PIP5K1C: variants seen among roughly 807,000 people sequenced by gnomAD.
The protein encoded by PIP5K1C is phosphatidylinositol-4-phosphate 5-kinase type 1 gamma, also known as phosphatidylinositol 4-phosphate 5-kinase type-1 gamma.
Under a neutral mutation model 80.1 loss-of-function variants are expected in PIP5K1C, and 45 were observed. The observed-to-expected ratio is 0.56, with a 90% CI of 0.44 to 0.72. PIP5K1C has a LOEUF of 0.72. Among genes scored for constraint, PIP5K1C ranks in the 30% least tolerant of loss-of-function variants. The pLI is 0.00. For missense variants in PIP5K1C, 753 were observed against 954.6 expected, an observed-to-expected ratio of 0.79 and a Z score of 2.78; for synonymous variants, 498 against 420.1, an observed-to-expected ratio of 1.19 and a Z score of -2.27.
intron 1 of PIP5K1C, among the ~76,000 whole-genome samples, chr19:3,693,723 AT>A (rs2036015929): frequency 6.6e-6 from 1 of 152,032 alleles, no homozygotes; most frequent in Non-Finnish European, 1.5e-5. Flanking sequence ...GGCCTCACCC[AT>A]CCCTGTCCTG....
rs1285287547 is a variant in PIP5K1C at position 3,688,737 on chromosome 19, A to G, written c.94+11560T>C. The stretch of plus-strand genomic sequence containing the variant: ...CAAACAGGACTGAGAGCGGAAAGAG[A>G]GAGAGAGAGAGGAGAGTGGGGGGAG... On this transcript the variant is annotated intron_variant, in intron 1 of 17. Transcript: ENST00000335312. The surrounding 1 kb of genome is among the most constrained non-coding windows in gnomAD (Gnocchi z 5.3). Among the ~76,000 whole-genome samples the G allele has an allele frequency of 6.6e-6, 1 of 151,702 alleles. No individual in the cohort carries two copies. The highest frequency in any genetic ancestry group is 2.4e-5 in the African/African-American group (1 of 41,290).
At chr19:3,654,469 G>A (rs951259187) in intron 6 of PIP5K1C, among the ~76,000 whole-genome samples, 4 of 152,168 alleles carry the variant, frequency 2.6e-5, no homozygotes, top group Non-Finnish European at 5.9e-5. Flanking sequence ...GCCGAATCCG[G>A]CCACCACCTA....
intron 1 of PIP5K1C, chr19:3,669,958 C>G (rs2035147341): frequency 6.6e-6 from 1 of 152,252 alleles, no homozygotes; most frequent in South Asian, 2.1e-4. Context: ...GGGTCAGGAG[C>G]CTCGGGGCAG....
chr19:3,666,536 C>T (rs1292197136), intron 2 of PIP5K1C, among the ~76,000 whole-genome samples: 4 of 152,146 alleles, frequency 2.6e-5, no homozygotes, highest in African/African-American at 4.8e-5. Flanking sequence ...TACATACGCA[C>T]GCAGGCAAAC....
intron 1 of PIP5K1C, among the ~76,000 whole-genome samples, chr19:3,672,337 T>C (rs1004484185): frequency 3.9e-5 from 6 of 152,328 alleles, no homozygotes; most frequent in Non-Finnish European, 7.3e-5. Flanking sequence ...CCAGCCACCT[T>C]TGCCACCCCA....
intron 1 of PIP5K1C, among the ~76,000 whole-genome samples, chr19:3,691,678 T>G (rs980802130): frequency 1.3e-5 from 2 of 151,980 alleles, no homozygotes; most frequent in African/African-American, 4.8e-5. Flanking sequence ...CCTGCTCTCT[T>G]GGCCTCACCA....
At position 3,648,951 on chromosome 19, in the gene PIP5K1C, C is replaced by A. The variant is rs1337609750; in HGVS notation, c.1128-243G>T. Among the ~76,000 whole-genome samples, 1 of 152,162 alleles carries A rather than the reference C, an allele frequency of 6.6e-6. No individual in the cohort carries two copies. The highest frequency in any genetic ancestry group is 1.5e-5 in the Non-Finnish European group (1 of 68,002). On this transcript the variant is annotated intron_variant, in intron 8 of 17. Transcript: ENST00000335312. The surrounding 1 kb of genome is among the most constrained non-coding windows in gnomAD (Gnocchi z 4.3). Reference sequence around the variant, plus strand: ...AGCTAGGAGGCCTGGGCACATACCCCCTACACACACGTGTGCCTGGACACA... The same window carrying A: ...AGCTAGGAGGCCTGGGCACATACCCACTACACACACGTGTGCCTGGACACA...
At chr19:3,693,588 C>T (rs1250357736) in intron 1 of PIP5K1C, among the ~76,000 whole-genome samples, 2 of 152,338 alleles carry the variant, frequency 1.3e-5, no homozygotes, top group African/African-American at 4.8e-5. Flanking sequence ...CGGCAGGCGG[C>T]AGGGAGGCCT....
chr19:3,641,374 G>A (rs1338675503), intron 15 of PIP5K1C, among the ~76,000 whole-genome samples: 1 of 152,136 alleles, frequency 6.6e-6, no homozygotes, highest in East Asian at 1.9e-4. Flanking sequence ...CTGGAACCAG[G>A]TCCTTCTCTG....
chr19:3,670,686 G>A lies in PIP5K1C; in HGVS notation c.95-3333C>T, dbSNP rs1044260016. Among the ~76,000 whole-genome samples, 5 of 152,324 alleles carry A rather than the reference G, an allele frequency of 3.3e-5. No individual in the cohort carries two copies. The East Asian group carries it at 7.7e-4, about 24-fold the overall frequency. On this transcript the variant is annotated intron_variant, in intron 1 of 17. Transcript: ENST00000335312. ...ACCCCAGCCCTGGGTGGGAGGGGGC[G>A]TACTTCTCAAGGCAGCAAGAACAGC...
intron 14 of PIP5K1C, 77 bp downstream of exon 14, chr19:3,642,830 G>C: frequency 8.6e-7 from 1 of 1,166,778 alleles, no homozygotes; most frequent in South Asian, 1.2e-5. Flanking sequence ...CAGAGGGGCT[G>C]GGGGGCGGGA....
chr19:3,687,993 G>T (rs976982680), intron 1 of PIP5K1C, among the ~76,000 whole-genome samples: 1 of 152,222 alleles, frequency 6.6e-6, no homozygotes, highest in Non-Finnish European at 1.5e-5. Context: ...CGGGCGGGCC[G>T]GGGCAGGAGG....
intron 10 of PIP5K1C, among the ~76,000 whole-genome samples, chr19:3,646,851 G>A (rs2034238370): frequency 6.6e-6 from 1 of 152,142 alleles, no homozygotes; most frequent in Non-Finnish European, 1.5e-5. Context: ...GCGGTACTCT[G>A]CGTTTGTGGA....
At chr19:3,690,643 C>CCCCAAAATACCTG (rs1247762301) in intron 1 of PIP5K1C, among the ~76,000 whole-genome samples, 1 of 152,132 alleles carries the variant, frequency 6.6e-6, no homozygotes, top group Non-Finnish European at 1.5e-5. Context: ...ACCACATAAA[C>CCCCAAAATACCTG]CCCAAAATAC....
At chr19:3,653,737 T>G (rs1011565215) in intron 6 of PIP5K1C, 148 bp from the exon 7 acceptor site, 2 of 703,422 alleles carry the variant, frequency 2.8e-6, no homozygotes, top group African/African-American at 1.8e-5. Flanking sequence ...CCCGTTCCTA[T>G]GCAGGCACCC....
At chr19:3,653,181 C>A in intron 7 of PIP5K1C, 109 bp downstream of exon 7, 3 of 956,416 alleles carry the variant, frequency 3.1e-6, no homozygotes, top group South Asian at 2.9e-5. Flanking sequence ...GGCTGCAGGG[C>A]AGGTGGGCCT....
chr19:3,658,180 G>A (rs576843816), intron 5 of PIP5K1C, among the ~76,000 whole-genome samples: 10 of 152,312 alleles, frequency 6.6e-5, no homozygotes, highest in African/African-American at 2.4e-4. Context: ...AGGGAACGGC[G>A]CCATCAGTTA....
At chr19:3,645,521 G>A (rs978705206) in intron 11 of PIP5K1C, among the ~76,000 whole-genome samples, 5 of 152,228 alleles carry the variant, frequency 3.3e-5, no homozygotes, top group Admixed American at 2.6e-4. Context: ...GGACCTTCCC[G>A]ACCATGCCCT....
chr19:3,643,127 G>A (rs532003705), intron 13 of PIP5K1C, 116 bp downstream of exon 13: 8 of 1,534,868 alleles, frequency 5.2e-6, no homozygotes, highest in African/African-American at 1.4e-5. Context: ...TACATCCACC[G>A]TACATACGAT....
Sources: gnomAD v4.1 joint callset for allele counts (sites outside exome capture counted in the v4.1 genomes callset) on GRCh38, gnomAD v4.1.1 for gene constraint, Gnocchi (gnomAD v3.1) non-coding constraint, MANE v1.5 for transcripts, NCBI Gene and HGNC (gene_info 2026-07-23, HGNC 2026-07-21) for gene names.